The following FMN1 variants were observed in gnomAD, a reference collection of about 807,000 sequenced individuals.
FMN1 encodes formin 1.
Under a neutral mutation model 132.4 loss-of-function variants are expected in FMN1, and 110 were observed. That is an observed-to-expected ratio of 0.83 (90% CI 0.71 to 0.97). The LOEUF (loss-of-function observed/expected upper bound fraction) is 0.97, where lower values mean the gene tolerates loss of function less well. Ranked by LOEUF, FMN1 falls within the 50% of genes least tolerant of loss-of-function variation. The pLI, the probability that FMN1 is intolerant of heterozygous loss-of-function variation, is 0.00. For missense variants in FMN1, 1,792 were observed against 1,705.3 expected, an observed-to-expected ratio of 1.05 and a Z score of -0.90; for synonymous variants, 722 against 651.7, an observed-to-expected ratio of 1.11 and a Z score of -1.64.
chr15:33,131,024 T>C (rs1407925856), intron 4 of FMN1, among the ~76,000 whole-genome samples: 1 of 152,142 alleles, frequency 6.6e-6, no homozygotes, highest in Non-Finnish European at 1.5e-5. Context: ...GAAAGAGCAC[T>C]GTAAACTGTA....
chr15:32,781,248 T>G (rs533241226), intron 19 of FMN1, among the ~76,000 whole-genome samples: 1 of 152,356 alleles, frequency 6.6e-6, no homozygotes, highest in East Asian at 1.9e-4. Flanking sequence ...ATGCTTTTTC[T>G]TCCATGCTTC....
intron 6 of FMN1, among the ~76,000 whole-genome samples, chr15:33,032,321 A>C (rs1380079932): frequency 3.1e-4 from 47 of 152,246 alleles, no homozygotes. Flanking sequence ...AAAGATGTAG[A>C]TGCAAGTATT....
intron 16 of FMN1, among the ~76,000 whole-genome samples, chr15:32,861,427 G>T (rs1280136844): frequency 6.6e-6 from 1 of 152,178 alleles, no homozygotes; most frequent in Non-Finnish European, 1.5e-5. Context: ...TCATGGGGGT[G>T]GTAAAGAGCT....
At chr15:33,016,361 T>C (rs915318266) in intron 6 of FMN1, among the ~76,000 whole-genome samples, 1 of 152,154 alleles carries the variant, frequency 6.6e-6, no homozygotes, top group Non-Finnish European at 1.5e-5. Flanking sequence ...AGAATAAAAA[T>C]CAAATGTGAG....
chr15:33,104,735 T>G (rs1162155407), intron 4 of FMN1, among the ~76,000 whole-genome samples: 2 of 151,952 alleles, frequency 1.3e-5, no homozygotes, highest in Non-Finnish European at 2.9e-5. Flanking sequence ...GTGAATTAAC[T>G]GAAAAAGAAA....
At chr15:32,836,960 T>C (rs1405150274) in intron 17 of FMN1, 2 of 207,506 alleles carry the variant, frequency 9.6e-6, no homozygotes, top group African/African-American at 2.5e-5. Context: ...CTAAAATAGA[T>C]GCATTTTTTT....
chr15:32,846,461 A>G (rs1473238642), intron 17 of FMN1, among the ~76,000 whole-genome samples: 1 of 152,232 alleles, frequency 6.6e-6, no homozygotes, highest in African/African-American at 2.4e-5. Flanking sequence ...AACATGAAAA[A>G]AAGTTCAACA....
chr15:33,053,079 G>GT (rs879754909), intron 6 of FMN1, among the ~76,000 whole-genome samples: 1 of 151,924 alleles, frequency 6.6e-6, no homozygotes, highest in Admixed American at 6.6e-5. Context: ...CCCTTCAATC[G>GT]TCAGTGTGAC....
At chr15:32,833,764 T>A (rs930112481) in intron 17 of FMN1, among the ~76,000 whole-genome samples, 1 of 152,186 alleles carries the variant, frequency 6.6e-6, no homozygotes, top group Non-Finnish European at 1.5e-5. Context: ...CAGCTGCTTT[T>A]TTCCCCCTGA....
intron 19 of FMN1, among the ~76,000 whole-genome samples, chr15:32,780,516 A>G (rs770839751): frequency 1.6e-4 from 25 of 152,196 alleles, no homozygotes; most frequent in Admixed American, 3.3e-4. Context: ...AATAACCATA[A>G]AAGTGGGCAG....
At chr15:33,017,885 C>CA (rs2035154833) in intron 6 of FMN1, among the ~76,000 whole-genome samples, 1 of 152,064 alleles carries the variant, frequency 6.6e-6, no homozygotes, top group South Asian at 2.1e-4. Flanking sequence ...GCCAACATGG[C>CA]AAAACCTAGT....
At chr15:33,101,220 A>T (rs899587427) in intron 4 of FMN1, among the ~76,000 whole-genome samples, 3 of 152,192 alleles carry the variant, frequency 2.0e-5, no homozygotes, top group Admixed American at 2.0e-4. Flanking sequence ...GTCGAGCCAA[A>T]TCTGGCACTG....
chr15:33,125,125 G>A (rs1988447), intron 4 of FMN1, among the ~76,000 whole-genome samples: 15 of 151,970 alleles, frequency 9.9e-5, no homozygotes, highest in South Asian at 2.1e-4. Flanking sequence ...ATTACATCTA[G>A]GGAGGCCAAA....
chr15:32,951,424 G>GACAC lies in FMN1; in HGVS notation c.3138+12679_3138+12682dup, dbSNP rs3081377. ...TAACTGCATAGCTGCGCCCCAGTGG[G>GACAC]ACACACACACACACACACACACACA... is the stretch of plus-strand genomic sequence containing the variant. On this transcript the variant is annotated intron_variant, in intron 9 of 20. Transcript: ENST00000616417. Among the ~76,000 whole-genome samples the GACAC allele has an allele frequency of 7.5e-3, 1,122 of 149,058 alleles. 10 individuals are homozygous for GACAC. Among genetic ancestry groups the GACAC allele is most frequent in the South Asian group, 0.022 (99 of 4,604 alleles).
At chr15:33,132,100 G>A (rs28552988) in intron 4 of FMN1, among the ~76,000 whole-genome samples, 1 of 152,094 alleles carries the variant, frequency 6.6e-6, no homozygotes, top group African/African-American at 2.4e-5. Flanking sequence ...TGGCTTGGAA[G>A]AAAGTCAAGA....
At chr15:32,907,688 CTAGATTG>C (rs1391769941) in intron 12 of FMN1, among the ~76,000 whole-genome samples, 1 of 152,106 alleles carries the variant, frequency 6.6e-6, no homozygotes, top group Non-Finnish European at 1.5e-5. Context: ...TGCCTCATCT[CTAGATTG>C]AGAGGGTTGG....
chr15:32,955,808 T>TGCGTGTGTGTGTGTGTGTGCGTGC (rs2061752730), intron 9 of FMN1, among the ~76,000 whole-genome samples: 2 of 138,582 alleles, frequency 1.4e-5, no homozygotes, highest in African/African-American at 6.4e-5. Context: ...TGTGTGCGTG[T>TGCGTGTGTGTGTGTGTGTGCGTGC]GCGTGTGTGT....
intron 2 of FMN1, among the ~76,000 whole-genome samples, chr15:33,188,326 G>T (rs989427797): frequency 6.6e-6 from 1 of 152,074 alleles, no homozygotes; most frequent in Non-Finnish European, 1.5e-5. Flanking sequence ...GGCGACAGAG[G>T]GAGACTTTGT....
intron 10 of FMN1, among the ~76,000 whole-genome samples, chr15:32,916,542 T>C (rs1278025386): frequency 6.6e-6 from 1 of 152,186 alleles, no homozygotes; most frequent in Non-Finnish European, 1.5e-5. Flanking sequence ...GTGTGGGAGA[T>C]GCCACAGGTA....
Sources: gnomAD v4.1 joint callset for allele counts (sites outside exome capture counted in the v4.1 genomes callset) on GRCh38, gnomAD v4.1.1 for gene constraint, MANE v1.5 for transcripts, NCBI Gene and HGNC (gene_info 2026-07-23, HGNC 2026-07-21) for gene names.